Variants in DOCK9 observed in about 807,000 individuals in gnomAD.
DOCK9 encodes dedicator of cytokinesis 9.
A neutral mutation model predicts 263.3 loss-of-function variants in DOCK9; 89 were observed. That is an observed-to-expected ratio of 0.34 (90% confidence interval 0.28 to 0.40). DOCK9 has a LOEUF of 0.40. DOCK9 is among the 10% of genes least tolerant of loss of function. The pLI is 1.00. For synonymous variants in DOCK9, 976 were observed against 973.1 expected, an observed-to-expected ratio of 1.00 and a Z score of -0.06; for missense variants, 2,140 against 2,603.4, an observed-to-expected ratio of 0.82 and a Z score of 3.87.
At chr13:99,074,492 A>G (rs149353049) in intron 1 of DOCK9, among the ~76,000 whole-genome samples, 2,837 of 152,348 alleles carry the variant, frequency 0.019, 43 homozygotes, top group South Asian at 0.056. Flanking sequence ...TGAACTATGC[A>G]GGCCCAGAGA....
chr13:98,794,564 G>A lies in DOCK9; in HGVS notation c.*62C>T. 6.5e-7 allele frequency: 1 copy of A among 1,536,016 alleles called. No individual in the cohort carries two copies. The highest frequency in any genetic ancestry group is 8.8e-7 in the Non-Finnish European group (1 of 1,137,080). On this transcript the variant is annotated 3_prime_UTR_variant, in exon 53 of 53. Transcript: ENST00000682017. ...CTCGGTCTCCCCAGTGATTGGCTTTGGAAAGCATCCTGAGTTTGCAAATGA... is the reference window on the plus strand; with the variant it reads ...CTCGGTCTCCCCAGTGATTGGCTTTAGAAAGCATCCTGAGTTTGCAAATGA...
intron 7 of DOCK9, among the ~76,000 whole-genome samples, chr13:98,920,111 A>C (rs2051673796): frequency 1.3e-5 from 2 of 152,226 alleles, no homozygotes; most frequent in Admixed American, 1.3e-4. Context: ...AAAAAGCTAC[A>C]GAAGGATGCA....
At chr13:99,036,982 G>A (rs1887956102) in intron 1 of DOCK9, among the ~76,000 whole-genome samples, 1 of 152,130 alleles carries the variant, frequency 6.6e-6, no homozygotes, top group Admixed American at 6.5e-5. Context: ...ATATAATTGA[G>A]AATAAGATAC....
At chr13:98,795,588 A>G (rs2089273725) in intron 52 of DOCK9, among the ~76,000 whole-genome samples, 1 of 152,070 alleles carries the variant, frequency 6.6e-6, no homozygotes, top group Non-Finnish European at 1.5e-5. Flanking sequence ...TACTACTTTC[A>G]TCTTCTCTAG....
intron 1 of DOCK9, among the ~76,000 whole-genome samples, chr13:98,984,206 T>C (rs553644964): frequency 8.5e-5 from 13 of 152,328 alleles, no homozygotes; most frequent in African/African-American, 3.1e-4. Context: ...ACCAAAGTTC[T>C]GTGGTACAAA....
chr13:98,888,103 T>C, intron 18 of DOCK9, 55 bp downstream of exon 18: 1 of 1,312,856 alleles, frequency 7.6e-7, no homozygotes, highest in South Asian at 1.3e-5. Flanking sequence ...AAAGTGCATT[T>C]TGAAAATGGA....
chr13:99,041,785 A>C (rs902040252), intron 1 of DOCK9, among the ~76,000 whole-genome samples: 16 of 152,382 alleles, frequency 1.0e-4, no homozygotes, highest in African/African-American at 3.8e-4. Flanking sequence ...AATGACAACT[A>C]TGCTAATAAG....
Position 99,080,915 on chromosome 13 carries a change from G to T in DOCK9, c.129+5308C>A, listed in dbSNP as rs377280445. On this transcript the variant is annotated intron_variant, in intron 1 of 32. Transcript: ENST00000427887. ...ACCCAGCAGGGAGCCCTGCCCCAGG[G>T]TCGGCCCTCAGTAAATGTGGACAGT... Among the ~76,000 whole-genome samples, 247 of 152,322 alleles carry T rather than the reference G, an allele frequency of 1.6e-3. 9 individuals carry two copies. In the South Asian group the frequency reaches 0.048, roughly 30 times the overall value.
At chr13:98,978,132 G>A (rs1278991882), upstream of DOCK9, 1 of 1,368,438 alleles carries the variant, frequency 7.3e-7, no homozygotes, top group Non-Finnish European at 9.4e-7. Context: ...CAAAAGGGGA[G>A]GCTCCTACTT....
In DOCK9 at chr13:98,868,236, T is replaced by C. The variant is rs201047354; in HGVS notation, c.3085A>G (p.Ile1029Val). The change falls in exon 28 of 53, where the codon ATC (isoleucine) becomes GTC (valine). Residue 1029 changes from isoleucine to valine, a missense_variant. Ile to Val is a conservative substitution (Grantham distance 29). Coordinates refer to ENST00000682017, the MANE Select transcript of DOCK9 (RefSeq NM_001366683.2). The part of the protein sequence containing the change: ...KNANHSLAVF[I>V]KRCFTFMDRG... The stretch of plus-strand genomic sequence containing the variant: ...TCTTCCCTGGAGGTCCCCACCTTGA[T>C]GAAGACAGCAAGGCTATGATTCGCG... 4 of 1,613,760 alleles carry C rather than the reference T, an allele frequency of 2.5e-6. No homozygotes were observed. The highest frequency in any genetic ancestry group is 2.2e-5 in the South Asian group (2 of 90,944).
chr13:98,809,164 A>G (rs1290535729), intron 47 of DOCK9, 188 bp downstream of exon 47: 4 of 1,509,858 alleles, frequency 2.6e-6, no homozygotes, highest in Non-Finnish European at 3.6e-6. Context: ...AGGAAGAAAG[A>G]AAAAAAGCAG....
At chr13:99,020,627 C>A (rs1044630271) in intron 1 of DOCK9, among the ~76,000 whole-genome samples, 7 of 152,124 alleles carry the variant, frequency 4.6e-5, no homozygotes, top group African/African-American at 1.7e-4. Context: ...AAATGTATTC[C>A]AACAGACAAA....
intron 27 of DOCK9, among the ~76,000 whole-genome samples, chr13:98,870,679 T>A (rs143076997): frequency 6.6e-6 from 1 of 152,290 alleles, no homozygotes; most frequent in South Asian, 2.1e-4. Context: ...TGGGTATATA[T>A]GCCTCCTGAT....
intron 1 of DOCK9, among the ~76,000 whole-genome samples, chr13:99,068,443 G>A (rs528693208): frequency 1.1e-4 from 16 of 152,276 alleles, no homozygotes; most frequent in African/African-American, 3.6e-4. Context: ...AAATTAGCTG[G>A]GCACAGTGGT....
intron 27 of DOCK9, 44 bp from the exon 28 acceptor site, chr13:98,868,421 A>AATCATT: frequency 6.4e-7 from 1 of 1,558,730 alleles, no homozygotes; most frequent in Non-Finnish European, 8.7e-7. Flanking sequence ...ATTAAGTTGC[A>AATCATT]ATCATTTGGG....
intron 41 of DOCK9, among the ~76,000 whole-genome samples, 176 bp downstream of exon 41, chr13:98,831,172 T>C (rs922962777): frequency 6.6e-6 from 1 of 152,236 alleles, no homozygotes; most frequent in Admixed American, 6.5e-5. Context: ...CTCAGGCCCA[T>C]ATCTTATAGT....
intron 2 of DOCK9, among the ~76,000 whole-genome samples, chr13:98,934,872 C>T (rs1472324780): frequency 2.0e-5 from 3 of 152,236 alleles, no homozygotes; most frequent in Admixed American, 2.0e-4. Context: ...CATCTATCCA[C>T]ACCTTACTGG....
intron 10 of DOCK9, among the ~76,000 whole-genome samples, chr13:98,904,431 A>G (rs1205046373): frequency 6.6e-6 from 1 of 152,252 alleles, no homozygotes; most frequent in Non-Finnish European, 1.5e-5. Flanking sequence ...TCAAACATCT[A>G]TTGAATATCA....
intron 1 of DOCK9, among the ~76,000 whole-genome samples, chr13:99,082,544 T>C (rs929688569): frequency 5.5e-4 from 35 of 63,136 alleles, no homozygotes; most frequent in Non-Finnish European, 6.4e-5. Context: ...AATAAATAAA[T>C]AAATAAATAA....
Sources: allele counts gnomAD v4.1 joint callset (sites outside exome capture counted in the v4.1 genomes callset), GRCh38; gene constraint gnomAD v4.1.1; transcripts MANE v1.5; gene names NCBI Gene and HGNC (gene_info 2026-07-23, HGNC 2026-07-21).